PABPC4L: variants seen among roughly 807,000 people sequenced by gnomAD.
The protein encoded by PABPC4L is polyadenylate-binding protein 4-like.
For missense variants in PABPC4L, 452 were observed against 451.4 expected (o/e 1.00, Z -0.01); for synonymous variants, 169 against 164.1 (o/e 1.03, Z -0.23).
At chr4:134,048,267 C>A in the PABPC4L span, among the ~76,000 whole-genome samples, 1 of 152,066 alleles carries the variant, frequency 6.6e-6, no homozygotes, top group Non-Finnish European at 1.5e-5. Flanking sequence ...TATCTGAGAT[C>A]AAAGTTTAAG....
chr4:134,132,776 A>G, the PABPC4L span, among the ~76,000 whole-genome samples: 2 of 151,076 alleles, frequency 1.3e-5, no homozygotes, highest in South Asian at 4.2e-4. Context: ...TTATAGCAGC[A>G]CTATTTGCAA....
the PABPC4L span, among the ~76,000 whole-genome samples, chr4:134,055,876 A>C: frequency 6.6e-6 from 1 of 151,970 alleles, no homozygotes; most frequent in Non-Finnish European, 1.5e-5. Flanking sequence ...TTCAGTGTCA[A>C]GACTAAGTAC....
chr4:134,115,910 GA>G, the PABPC4L span, among the ~76,000 whole-genome samples: 1 of 151,608 alleles, frequency 6.6e-6, no homozygotes, highest in Non-Finnish European at 1.5e-5. Context: ...TGTTTTTATA[GA>G]ATTAAGTAAA....
At chr4:134,145,029 A>G in the PABPC4L span, among the ~76,000 whole-genome samples, 1 of 151,758 alleles carries the variant, frequency 6.6e-6, no homozygotes, top group African/African-American at 2.4e-5. Context: ...AACTTTCTAT[A>G]GTACGTTCAA....
the PABPC4L span, among the ~76,000 whole-genome samples, chr4:134,130,713 C>T: frequency 6.6e-6 from 1 of 151,812 alleles, no homozygotes; most frequent in Admixed American, 6.6e-5. Context: ...CAGAAAAGGA[C>T]ATAAAAAAAA....
chr4:134,062,989 G>C, the PABPC4L span, among the ~76,000 whole-genome samples: 1 of 152,068 alleles, frequency 6.6e-6, no homozygotes, highest in South Asian at 2.1e-4. Flanking sequence ...TGGCTGTAGT[G>C]GAGTATGTGG....
At chr4:133,997,384 C>T in the PABPC4L span, among the ~76,000 whole-genome samples, 2 of 151,952 alleles carry the variant, frequency 1.3e-5, no homozygotes, top group African/African-American at 4.8e-5. Flanking sequence ...CACCTGGTCA[C>T]CTAATGGCTC....
At chr4:134,026,907 C>A in the PABPC4L span, among the ~76,000 whole-genome samples, 1 of 152,012 alleles carries the variant, frequency 6.6e-6, no homozygotes, top group African/African-American at 2.4e-5. Context: ...GATTCTTCCT[C>A]ATGGCTCTGA....
At chr4:133,962,029 A>G in the PABPC4L span, among the ~76,000 whole-genome samples, 811 of 152,312 alleles carry the variant, frequency 5.3e-3, 12 homozygotes, top group African/African-American at 0.018. Flanking sequence ...TGGGAGCAAT[A>G]AGAAAAAGGA....
chr4:133,955,738 T>A, the PABPC4L span, among the ~76,000 whole-genome samples: 2 of 152,204 alleles, frequency 1.3e-5, no homozygotes, highest in African/African-American at 4.8e-5. Context: ...GGAATGCATA[T>A]TTGATTAACA....
the PABPC4L span, among the ~76,000 whole-genome samples, chr4:134,056,974 A>G: frequency 2.0e-5 from 3 of 152,124 alleles, no homozygotes; most frequent in Non-Finnish European, 2.9e-5. Context: ...TTGTAGGAGA[A>G]AAACACCAAG....
chr4:134,052,705 A>C, the PABPC4L span, among the ~76,000 whole-genome samples: 2 of 152,078 alleles, frequency 1.3e-5, no homozygotes, highest in African/African-American at 2.4e-5. Context: ...ATTTAAAAAA[A>C]AAATGACAAG....
chr4:134,155,075 T>C, the PABPC4L span, among the ~76,000 whole-genome samples: 1 of 152,098 alleles, frequency 6.6e-6, no homozygotes, highest in South Asian at 2.1e-4. Flanking sequence ...ACAATTCATA[T>C]GGCACAAATG....
chr4:134,157,928 G>A, the PABPC4L span, among the ~76,000 whole-genome samples: 102,074 of 151,518 alleles, frequency 0.67, 35,344 homozygotes, highest in East Asian at 1. Flanking sequence ...TGCACACAAG[G>A]TATGTCATTA....
chr4:134,098,073 G>A, the PABPC4L span, among the ~76,000 whole-genome samples: 52 of 151,850 alleles, frequency 3.4e-4, no homozygotes, highest in African/African-American at 1.2e-3. Context: ...ATTAAACTCT[G>A]AGGCTGTTAA....
the PABPC4L span, among the ~76,000 whole-genome samples, chr4:134,138,806 C>T: frequency 5.3e-5 from 8 of 151,832 alleles, no homozygotes; most frequent in Non-Finnish European, 1.5e-5. Flanking sequence ...AGCTGTAACT[C>T]TTTTTCAAGG....
At chr4:133,997,013 T>C in the PABPC4L span, among the ~76,000 whole-genome samples, 1 of 152,202 alleles carries the variant, frequency 6.6e-6, no homozygotes, top group Non-Finnish European at 1.5e-5. Context: ...ATCAGCTGCC[T>C]TCAGCTTAAT....
chr4:133,975,962 T>C, the PABPC4L span, among the ~76,000 whole-genome samples: 1 of 152,180 alleles, frequency 6.6e-6, no homozygotes, highest in Non-Finnish European at 1.5e-5. Flanking sequence ...TTTATTTTTA[T>C]TTTATTTTAT....
the PABPC4L span, among the ~76,000 whole-genome samples, chr4:134,131,745 C>T: frequency 9.2e-5 from 4 of 43,490 alleles, no homozygotes; most frequent in African/African-American, 4.9e-4. Context: ...AAAAAAAAAG[C>T]CTCCATAGCC....
Sources: gnomAD v4.1 joint callset for allele counts (sites outside exome capture counted in the v4.1 genomes callset) on GRCh38, gnomAD v4.1.1 for gene constraint, MANE v1.5 for transcripts, NCBI Gene and HGNC (gene_info 2026-07-23, HGNC 2026-07-21) for gene names.